The following PDSS2 variants were observed in gnomAD, a reference collection of about 807,000 sequenced individuals.
The protein encoded by PDSS2 is all trans-polyprenyl-diphosphate synthase PDSS2.
In PDSS2, 31 loss-of-function variants were observed where a neutral mutation model predicts 44.5. That is an observed-to-expected ratio of 0.70 (90% confidence interval 0.52 to 0.94). The LOEUF (loss-of-function observed/expected upper bound fraction) is 0.94. Among genes scored for constraint, PDSS2 ranks in the 40% least tolerant of loss-of-function variants. The pLI, the probability that PDSS2 is intolerant of heterozygous loss-of-function variation, is 0.00. For missense variants in PDSS2, 452 were observed against 482.2 expected, an observed-to-expected ratio of 0.94 and a Z score of 0.59; for synonymous variants, 157 against 180.3, an observed-to-expected ratio of 0.87 and a Z score of 1.03.
rs114108533 is a variant in PDSS2 at position 107,288,500 on chromosome 6, G to A, written c.432-14273C>T. On this transcript the variant is annotated intron_variant, in intron 2 of 7. Transcript: ENST00000369037. ...CAGGCAGGGAGCAGGAAATGCAGATGCTGAGATTATGAACTTTTTAATAGA... is the reference window on the plus strand; with the variant it reads ...CAGGCAGGGAGCAGGAAATGCAGATACTGAGATTATGAACTTTTTAATAGA... Among the ~76,000 whole-genome samples, 322 of 152,288 alleles carry A rather than the reference G, an allele frequency of 2.1e-3. 2 individuals carry two copies. Among genetic ancestry groups the A allele is most frequent in the African/African-American group, 7.4e-3 (307 of 41,558 alleles).
intron 4 of PDSS2, among the ~76,000 whole-genome samples, chr6:107,237,506 G>T (rs947307006): frequency 1.1e-4 from 16 of 151,836 alleles, no homozygotes; most frequent in Admixed American, 9.8e-4. Context: ...GCCTCCCAAA[G>T]TGCTGGGATT....
At chr6:107,374,846 G>A (rs1192947003) in intron 1 of PDSS2, among the ~76,000 whole-genome samples, 1 of 151,898 alleles carries the variant, frequency 6.6e-6, no homozygotes, top group Non-Finnish European at 1.5e-5. Flanking sequence ...TGGTAGGTAA[G>A]GTTCTCATAT....
chr6:107,155,682 C>T (rs1006366946), intron 7 of PDSS2, among the ~76,000 whole-genome samples: 7 of 150,012 alleles, frequency 4.7e-5, no homozygotes, highest in Non-Finnish European at 8.9e-5. Context: ...CGGGTTCAAG[C>T]GATTATCCTG....
At chr6:107,446,328 A>T (rs1781679174) in intron 1 of PDSS2, among the ~76,000 whole-genome samples, 1 of 152,160 alleles carries the variant, frequency 6.6e-6, no homozygotes, top group African/African-American at 2.4e-5. Flanking sequence ...AAAAAAGAAA[A>T]AAAAGAAATA....
intron 3 of PDSS2, among the ~76,000 whole-genome samples, chr6:107,251,438 G>A (rs986836004): frequency 6.6e-6 from 1 of 152,096 alleles, no homozygotes. Context: ...TGAATAACAC[G>A]GCACCCCTCA....
At chr6:107,177,091 AT>A (rs1267981549) in intron 7 of PDSS2, among the ~76,000 whole-genome samples, 1 of 142,532 alleles carries the variant, frequency 7.0e-6, no homozygotes, top group African/African-American at 2.6e-5. Context: ...TTTTTTTTCT[AT>A]TTTCTTTACA....
intron 2 of PDSS2, among the ~76,000 whole-genome samples, chr6:107,276,114 C>CAA (rs57590944): frequency 2.2e-5 from 2 of 90,126 alleles, no homozygotes; most frequent in Non-Finnish European, 4.0e-5. Context: ...GACCCTATCT[C>CAA]AAAAAAAAGG....
intron 2 of PDSS2, among the ~76,000 whole-genome samples, chr6:107,304,010 G>T (rs1303718869): frequency 6.6e-6 from 1 of 152,168 alleles, no homozygotes; most frequent in Non-Finnish European, 1.5e-5. Flanking sequence ...ATTCAGAAAA[G>T]AAAAACAATT....
chr6:107,427,083 C>T lies in PDSS2; in HGVS notation c.296+31907G>A, dbSNP rs185832826. 2.5e-3 allele frequency among the ~76,000 whole-genome samples: 376 copies of T among 152,292 alleles called. 1 individual carries two copies. Among genetic ancestry groups the T allele is most frequent in the African/African-American group, 8.6e-3 (357 of 41,554 alleles). ...TTTGGCTGTGTCTCCACCCTAATCT[C>T]ATCTTGAATTCTAGCTCCCATAATT... On this transcript the variant is annotated intron_variant, in intron 1 of 7. Transcript: ENST00000369037.
At chr6:107,319,004 A>G (rs934988665) in intron 2 of PDSS2, among the ~76,000 whole-genome samples, 3 of 100,918 alleles carry the variant, frequency 3.0e-5, no homozygotes, top group African/African-American at 8.8e-5. Flanking sequence ...AAATATATAT[A>G]TATACACACA....
chr6:107,419,035 T>TA (rs899088517), intron 1 of PDSS2, among the ~76,000 whole-genome samples: 122 of 145,578 alleles, frequency 8.4e-4, no homozygotes, highest in African/African-American at 9.3e-4. Context: ...GTAGTTAGCT[T>TA]AAAAAAAAAA....
intron 4 of PDSS2, among the ~76,000 whole-genome samples, chr6:107,242,617 A>G (rs556765833): frequency 6.6e-5 from 10 of 152,234 alleles, no homozygotes; most frequent in African/African-American, 2.4e-4. Context: ...ATCACAGCTT[A>G]TTGTAACGTC....
At chr6:107,402,809 G>T (rs1780189844) in intron 1 of PDSS2, among the ~76,000 whole-genome samples, 1 of 151,960 alleles carries the variant, frequency 6.6e-6, no homozygotes, top group Admixed American at 6.5e-5. Flanking sequence ...AGAATAGCAT[G>T]AAGGTAACTG....
chr6:107,423,917 T>C (rs1246385291), intron 1 of PDSS2, among the ~76,000 whole-genome samples: 1 of 152,150 alleles, frequency 6.6e-6, no homozygotes, highest in African/African-American at 2.4e-5. Flanking sequence ...AAAATTTTTC[T>C]TCTTCCATAA....
chr6:107,360,866 A>G (rs1246970841), intron 1 of PDSS2, among the ~76,000 whole-genome samples: 1 of 152,224 alleles, frequency 6.6e-6, no homozygotes, highest in Non-Finnish European at 1.5e-5. Context: ...CTGAATTTAC[A>G]TACTGGGCAG....
At chr6:107,387,117 C>T (rs536052526) in intron 1 of PDSS2, among the ~76,000 whole-genome samples, 3 of 152,222 alleles carry the variant, frequency 2.0e-5, no homozygotes, top group Admixed American at 6.5e-5. Flanking sequence ...TCCACCATTG[C>T]GGTCCACACA....
intron 1 of PDSS2, among the ~76,000 whole-genome samples, chr6:107,348,648 A>G (rs1778328235): frequency 6.6e-6 from 1 of 152,214 alleles, no homozygotes; most frequent in African/African-American, 2.4e-5. Context: ...CACAATGTTC[A>G]CTTCATGTTT....
At chr6:107,166,620 T>C (rs1372061550) in intron 7 of PDSS2, among the ~76,000 whole-genome samples, 4 of 152,184 alleles carry the variant, frequency 2.6e-5, no homozygotes, top group Non-Finnish European at 5.9e-5. Flanking sequence ...CGCCTCGGCC[T>C]CCCAAAGTGC....
At chr6:107,304,268 A>T (rs943203761) in intron 2 of PDSS2, among the ~76,000 whole-genome samples, 12 of 152,222 alleles carry the variant, frequency 7.9e-5, no homozygotes, top group African/African-American at 2.9e-4. Flanking sequence ...TTCTCCAGGG[A>T]ATCTGAAATT....
Sources: gnomAD v4.1 joint callset for allele counts (sites outside exome capture counted in the v4.1 genomes callset) on GRCh38, gnomAD v4.1.1 for gene constraint, MANE v1.5 for transcripts, NCBI Gene and HGNC (gene_info 2026-07-23, HGNC 2026-07-21) for gene names.